The following TIGIT variants were observed in gnomAD, a reference collection of about 807,000 sequenced individuals.
TIGIT encodes the protein T-cell immunoreceptor with Ig and ITIM domains.
A neutral mutation model predicts 19.6 loss-of-function variants in TIGIT; 11 were observed. The observed-to-expected ratio is 0.56, with a 90% CI of 0.35 to 0.93. The LOEUF (loss-of-function observed/expected upper bound fraction) is 0.93. Ranked by LOEUF, TIGIT falls within the 40% of genes least tolerant of loss-of-function variation. TIGIT has a pLI of 0.01. For missense variants in TIGIT, 295 were observed against 303.9 expected (o/e 0.97, Z 0.22); for synonymous variants, 130 against 125.5 (o/e 1.04, Z -0.24).
chr3:114,296,078 T>G (rs1047415480), intron 2 of TIGIT: 2 of 527,168 alleles, frequency 3.8e-6, no homozygotes, highest in African/African-American at 1.9e-5. Flanking sequence ...GGGTAAGGTC[T>G]AAAAGCATTT....
intron 3 of TIGIT, among the ~76,000 whole-genome samples, chr3:114,304,411 T>C (rs1307754797): frequency 6.6e-6 from 1 of 152,228 alleles, no homozygotes; most frequent in African/African-American, 2.4e-5. Context: ...CCCTTTTCCA[T>C]AGTTTGCCAA....
rs112001591 is a variant in TIGIT, at chr3:114,305,754, G to A, written c.499-2141G>A. Among the ~76,000 whole-genome samples the A allele has an allele frequency of 6.0e-3, 918 of 151,974 alleles. 17 individuals carry two copies. The highest frequency in any genetic ancestry group is 0.021 in the African/African-American group (886 of 41,416). On this transcript the variant is annotated intron_variant, in intron 3 of 3. Coordinates refer to ENST00000383671, the MANE Select transcript of TIGIT (RefSeq NM_173799.4). ...AACTGTACATTAGTTATGGGTCTCC[G>A]GAGGGACAGAACCAATAGGAGATAT... is the stretch of plus-strand genomic sequence containing the variant.
rs2078548332 is a variant in TIGIT, at chr3:114,308,121, A to G, written c.725A>G (p.Glu242Gly). 6.2e-7 allele frequency: 1 copy of G among 1,613,974 alleles called. No homozygotes were observed. The highest frequency in any genetic ancestry group is 1.3e-5 in the African/African-American group (1 of 75,036). The change falls in exon 4 of 4, where the codon GAG (glutamate) becomes GGG (glycine). Residue 242 changes from glutamate to glycine, a missense_variant. By Grantham distance (98) the Glu-to-Gly change is moderately conservative. Coordinates refer to ENST00000383671, the MANE Select transcript of TIGIT (RefSeq NM_173799.4). ...CTGGGTAACTGCAGCTTCTTCACAGAGACTGGTTAGCAACCAGAGGCATCT... is the reference window on the plus strand; with the variant it reads ...CTGGGTAACTGCAGCTTCTTCACAGGGACTGGTTAGCAACCAGAGGCATCT... ...RSLGNCSFFT[E>G]TG
chr3:114,307,783 A>C (rs562708043), intron 3 of TIGIT, 112 bp from the exon 4 acceptor site: 8 of 959,896 alleles, frequency 8.3e-6, no homozygotes, highest in Non-Finnish European at 1.3e-5. Context: ...TGGTAAGAAC[A>C]TAAGTTTGCT....
rs913420391 is a variant in TIGIT, at chr3:114,309,797, AGT to A, written c.*1669_*1670del. The A allele has an allele frequency of 7.9e-5, 12 of 152,204 alleles. No homozygotes were observed. The highest frequency in any genetic ancestry group is 2.9e-4 in the African/African-American group (12 of 41,438). 9.4% of individuals were successfully genotyped at this position (152,204 alleles called of 1,614,324 possible). ...TAAAATGTAATGACGAAAAGGGAGT[AGT>A]GTTTTGATTTGGAGGAGGTGTATAT... is the stretch of plus-strand genomic sequence containing the variant. On this transcript the variant is annotated 3_prime_UTR_variant, in exon 4 of 4. Transcript: ENST00000383671.
At chr3:114,304,470 G>C (rs2078517886) in intron 3 of TIGIT, among the ~76,000 whole-genome samples, 1 of 152,148 alleles carries the variant, frequency 6.6e-6, no homozygotes, top group South Asian at 2.1e-4. Context: ...ATCATCTCCT[G>C]GGGCCCTTGT....
At chr3:114,305,738 T>C (rs1215695496) in intron 3 of TIGIT, among the ~76,000 whole-genome samples, 1 of 151,674 alleles carries the variant, frequency 6.6e-6, no homozygotes, top group Non-Finnish European at 1.5e-5. Flanking sequence ...GAACTGTACA[T>C]TAGTTATGGG....
At chr3:114,303,575 A>ATATATATACATATATATG (rs2078509333) in intron 3 of TIGIT, among the ~76,000 whole-genome samples, 2 of 5,028 alleles carry the variant, frequency 4.0e-4, no homozygotes, top group African/African-American at 3.2e-4. Flanking sequence ...ATATATATGT[A>ATATATATACATATATATG]TATATATATA....
At position 114,295,733 on chromosome 3, in the gene TIGIT, C is replaced by T. The variant is rs754891716; in HGVS notation, c.250C>T (p.Arg84Ter). 15 of 1,614,112 alleles carry T rather than the reference C, an allele frequency of 9.3e-6. No individual in the cohort carries two copies. The highest frequency in any genetic ancestry group is 4.5e-5 in the East Asian group (2 of 44,892). ...GCACATCTCCCCATCCTTCAAGGAT[C>T]GAGTGGCCCCAGGTCCCGGCCTGGG... ...GWHISPSFKDRVAPGPGLGLT... is the reference protein window; with the variant it reads ...GWHISPSFKD Residue 84 changes from arginine to a stop codon, truncating the protein, a stop_gained, in exon 2 of 4, where the codon CGA (arginine) becomes TGA (stop). Transcript: ENST00000383671. LOFTEE classifies it high-confidence loss of function.
chr3:114,295,864 A>G lies in TIGIT; in HGVS notation c.381A>G (p.Leu127=), dbSNP rs1415098974. ...CTGGGAGAATCTTCCTGGAGGTCCT[A>G]GAAAGCTCAGGTATTCCTGCTGGAG... The part of the protein sequence containing the change: ...TYTGRIFLEV[L]ESSVAEHGAR... Residue 127 remains leucine, a synonymous_variant, in exon 2 of 4, where the codon CTA becomes CTG. Transcript: ENST00000383671. 6.3e-7 allele frequency: 1 copy of G among 1,599,068 alleles called. No homozygotes were observed. Among genetic ancestry groups the G allele is most frequent in the Non-Finnish European group, 8.6e-7 (1 of 1,169,126 alleles).
At chr3:114,301,903 G>A (rs2078494957) in intron 3 of TIGIT, among the ~76,000 whole-genome samples, 1 of 152,300 alleles carries the variant, frequency 6.6e-6, no homozygotes, top group South Asian at 2.1e-4. Context: ...CAGGGAACAT[G>A]TAGTACTCAA....
In TIGIT at chr3:114,298,733, C is replaced by T. The variant is rs182509646; in HGVS notation, c.392-864C>T. Among the ~76,000 whole-genome samples, 14 of 152,282 alleles carry T rather than the reference C, an allele frequency of 9.2e-5. No homozygotes were observed. The East Asian group carries it at 2.7e-3, about 29-fold the overall frequency. ...TTGTCTTATGGATTGGATTCCTAAG[C>T]CACCTTTTAGCAACCCAGACCCTTA... On this transcript the variant is annotated intron_variant, in intron 2 of 3. Transcript: ENST00000383671.
At chr3:114,305,363 G>A (rs370507819) in intron 3 of TIGIT, among the ~76,000 whole-genome samples, 18 of 152,286 alleles carry the variant, frequency 1.2e-4, no homozygotes, top group African/African-American at 4.1e-4. Context: ...AGCAGCAACT[G>A]TTTTAGATCA....
rs980973231 is a variant in TIGIT, at chr3:114,309,631, C to G, written c.*1500C>G. Reference sequence around the variant, plus strand: ...ATAGGAAGAATGAACTGAAATCTGTCCAGAGCTCCAAGTCCTTTGGAAGAA... The same window carrying G: ...ATAGGAAGAATGAACTGAAATCTGTGCAGAGCTCCAAGTCCTTTGGAAGAA... On this transcript the variant is annotated 3_prime_UTR_variant, in exon 4 of 4. Coordinates refer to ENST00000383671, the MANE Select transcript of TIGIT (RefSeq NM_173799.4). The G allele has an allele frequency of 1.3e-5, 2 of 152,078 alleles. No individual in the cohort carries two copies. Among genetic ancestry groups the G allele is most frequent in the Admixed American group, 1.3e-4 (2 of 15,274 alleles). 9.4% of individuals were successfully genotyped at this position (152,078 alleles called of 1,614,324 possible). A position where few individuals can be genotyped will look rare whatever the true frequency, so the allele number is the denominator to read the frequency against.
chr3:114,309,358 A>G lies in TIGIT; in HGVS notation c.*1227A>G, dbSNP rs2078557275. Reference sequence around the variant, plus strand: ...GATCTTAGAAGACTTTTATCCTTCCACCATCTCTCTCAGAGGAATGAGCGG... The same window carrying G: ...GATCTTAGAAGACTTTTATCCTTCCGCCATCTCTCTCAGAGGAATGAGCGG... On this transcript the variant is annotated 3_prime_UTR_variant, in exon 4 of 4. Transcript: ENST00000383671. 1 of 152,164 alleles carries G rather than the reference A, an allele frequency of 6.6e-6. No individual in the cohort carries two copies. Among genetic ancestry groups the G allele is most frequent in the Non-Finnish European group, 1.5e-5 (1 of 68,022 alleles). 9.4% of individuals were successfully genotyped at this position (152,164 alleles called of 1,614,324 possible). A position where few individuals can be genotyped will look rare whatever the true frequency, so the allele number is the denominator to read the frequency against.
chr3:114,298,885 G>A (rs1462799347), intron 2 of TIGIT, among the ~76,000 whole-genome samples: 1 of 152,182 alleles, frequency 6.6e-6, no homozygotes, highest in Non-Finnish European at 1.5e-5. Context: ...GGGGGTGATG[G>A]TGTTCTTTTT....
rs1231845530 is a variant in TIGIT, at chr3:114,299,606, A to G, written c.401A>G (p.His134Arg). The part of the protein sequence containing the change: ...LEVLESSVAE[H>R]GARFQIPLLG... Reference sequence around the variant, plus strand: ...TTTGTCCTCCCTCTAGTGGCTGAGCACGGTGCCAGGTTCCAGATTCCATTG... The same window carrying G: ...TTTGTCCTCCCTCTAGTGGCTGAGCGCGGTGCCAGGTTCCAGATTCCATTG... Residue 134 changes from histidine to arginine, a missense_variant, in exon 3 of 4, where the codon CAC becomes CGC. Coordinates refer to ENST00000383671, the MANE Select transcript of TIGIT (RefSeq NM_173799.4). 1 of 1,613,160 alleles carries G rather than the reference A, an allele frequency of 6.2e-7. No homozygotes were observed. Among genetic ancestry groups the G allele is most frequent in the East Asian group, 2.2e-5 (1 of 44,876 alleles).
At chr3:114,300,098 AC>A (rs1051631623) in intron 3 of TIGIT, among the ~76,000 whole-genome samples, 21 of 152,284 alleles carry the variant, frequency 1.4e-4, no homozygotes, top group African/African-American at 4.6e-4. Context: ...GTGCTAGGTT[AC>A]CCAGCATGTC....
intron 3 of TIGIT, among the ~76,000 whole-genome samples, chr3:114,305,850 G>GTGGATGGA (rs1203796821): frequency 9.4e-5 from 13 of 137,644 alleles, no homozygotes; most frequent in South Asian, 2.4e-4. Flanking sequence ...GGATGGGTGG[G>GTGGATGGA]TGGATGGATG....
Sources: allele counts gnomAD v4.1 joint callset (sites outside exome capture counted in the v4.1 genomes callset), GRCh38; gene constraint gnomAD v4.1.1; transcripts MANE v1.5; gene names NCBI Gene and HGNC (gene_info 2026-07-23, HGNC 2026-07-21).